Variants in IFT80 observed in about 807,000 individuals in gnomAD.
The protein encoded by IFT80 is intraflagellar transport 80, also known as intraflagellar transport protein 80 homolog.
In IFT80, 79 loss-of-function variants were observed where a neutral mutation model predicts 107.9. The observed-to-expected ratio is 0.73, with a 90% CI of 0.61 to 0.88. IFT80 has a LOEUF of 0.88. Ranked by LOEUF, IFT80 falls within the 40% of genes least tolerant of loss-of-function variation. IFT80 has a pLI of 0.00. For missense variants in IFT80, 797 were observed against 914.2 expected (o/e 0.87, Z 1.65); for synonymous variants, 299 against 300.9 (o/e 0.99, Z 0.07).
chr3:160,264,125 T>G (rs1335707471), intron 19 of IFT80, among the ~76,000 whole-genome samples: 1 of 149,186 alleles, frequency 6.7e-6, no homozygotes, highest in African/African-American at 2.5e-5. Context: ...TTATATTTTT[T>G]GGGAGATGGA....
Position 160,319,891 on chromosome 3 carries a change from C to T in IFT80, c.826G>A (p.Ala276Thr). The T allele has an allele frequency of 1.2e-6, 2 of 1,612,380 alleles. No individual in the cohort carries two copies. The highest frequency in any genetic ancestry group is 1.3e-5 in the African/African-American group (1 of 74,912). The part of the protein sequence containing the change: ...KPNTGSIFNI[A>T]WSIDGTQIAG... The stretch of plus-strand genomic sequence containing the variant: ...ATCTGAGTGCCATCGATAGACCATG[C>T]AATATTAAATATGCTGCCAGTGTTG... Residue 276 changes from alanine to threonine, a missense_variant, in exon 9 of 20, where the codon GCA (alanine) becomes ACA (threonine). Transcript: ENST00000326448.
chr3:160,268,347 T>C (rs1003398267), intron 19 of IFT80, 66 bp downstream of exon 19: 1 of 1,391,216 alleles, frequency 7.2e-7, no homozygotes, highest in Non-Finnish European at 1.0e-6. Context: ...TTTTGTCTCA[T>C]TAGGATGAAT....
intron 1 of IFT80, among the ~76,000 whole-genome samples, chr3:160,395,237 A>T (rs1713685389): frequency 6.6e-6 from 1 of 152,226 alleles, no homozygotes; most frequent in Admixed American, 6.5e-5. Context: ...TATCTTCATG[A>T]AGATACTATA....
chr3:160,381,436 A>G, intron 3 of IFT80, 67 bp downstream of exon 3: 1 of 1,201,202 alleles, frequency 8.3e-7, no homozygotes, highest in Non-Finnish European at 1.2e-6. Context: ...AACAACTCAA[A>G]GCATAAATCA....
rs1487108601 is a variant in IFT80 at position 160,366,082 on chromosome 3, T to C, written c.510A>G (p.Leu170=). ...CATTTGGTTGAAGAGGTTTAATGAT[T>C]AGCTGCTTGCCTGCTGTATAAAGAA... ...EKVLYTAGKQ[L]IIKPLQPNAK... The change falls in exon 6 of 20, where the codon CTA becomes CTG. Residue 170 remains leucine, a synonymous_variant. Coordinates refer to ENST00000326448, the MANE Select transcript of IFT80 (RefSeq NM_020800.3). The C allele has an allele frequency of 6.2e-7, 1 of 1,612,784 alleles. No homozygotes were observed. The highest frequency in any genetic ancestry group is 8.5e-7 in the Non-Finnish European group (1 of 1,179,132).
intron 18 of IFT80, among the ~76,000 whole-genome samples, chr3:160,273,577 A>G (rs577860744): frequency 1.3e-5 from 2 of 152,302 alleles, no homozygotes; most frequent in East Asian, 3.9e-4. Context: ...GTACAGCTGA[A>G]AGAATGATAA....
intron 8 of IFT80, among the ~76,000 whole-genome samples, chr3:160,337,018 T>C (rs563531791): frequency 6.6e-6 from 1 of 152,336 alleles, no homozygotes; most frequent in East Asian, 1.9e-4. Flanking sequence ...AACCCTTTTA[T>C]TACCAATTAA....
chr3:160,320,346 T>A (rs1310314775), intron 8 of IFT80, among the ~76,000 whole-genome samples: 1 of 151,894 alleles, frequency 6.6e-6, no homozygotes, highest in Non-Finnish European at 1.5e-5. Context: ...ACAAAACAAT[T>A]GAAACTCAAC....
chr3:160,339,535 A>G (rs970483975), intron 8 of IFT80, among the ~76,000 whole-genome samples: 1 of 152,142 alleles, frequency 6.6e-6, no homozygotes, highest in Non-Finnish European at 1.5e-5. Flanking sequence ...TTTTGTCTCC[A>G]AAATGTGGTA....
At chr3:160,326,055 T>C (rs1718654100) in intron 8 of IFT80, among the ~76,000 whole-genome samples, 1 of 152,134 alleles carries the variant, frequency 6.6e-6, no homozygotes, top group East Asian at 1.9e-4. Context: ...CACCCAGGTA[T>C]TAAGCCCAGT....
chr3:160,328,415 T>A (rs1320883391), intron 8 of IFT80, among the ~76,000 whole-genome samples: 1 of 137,702 alleles, frequency 7.3e-6, no homozygotes, highest in African/African-American at 2.8e-5. Flanking sequence ...TGAGCAGAGA[T>A]CGTGCCAGTG....
intron 12 of IFT80, among the ~76,000 whole-genome samples, chr3:160,297,907 T>C (rs1345080806): frequency 1.3e-5 from 2 of 152,122 alleles, no homozygotes; most frequent in African/African-American, 4.8e-5. Context: ...TAACATGTAA[T>C]AGAAACTGGC....
At chr3:160,296,421 C>T (rs1362136959) in intron 12 of IFT80, among the ~76,000 whole-genome samples, 1 of 152,042 alleles carries the variant, frequency 6.6e-6, no homozygotes, top group Non-Finnish European at 1.5e-5. Context: ...TCATACTTCT[C>T]CACCCCTACC....
intron 9 of IFT80, among the ~76,000 whole-genome samples, chr3:160,311,133 A>C (rs1473874929): frequency 2.6e-5 from 4 of 152,166 alleles, no homozygotes; most frequent in African/African-American, 9.7e-5. Context: ...TTGAAAAAAT[A>C]AATACATAAA....
chr3:160,383,021 G>A (rs1034097953), intron 2 of IFT80, among the ~76,000 whole-genome samples: 1 of 152,114 alleles, frequency 6.6e-6, no homozygotes, highest in African/African-American at 2.4e-5. Context: ...ACAATGTTAG[G>A]TAAAACCTAA....
chr3:160,342,403 T>G (rs1719974572), intron 8 of IFT80, among the ~76,000 whole-genome samples: 2 of 152,206 alleles, frequency 1.3e-5, no homozygotes, highest in African/African-American at 4.8e-5. Context: ...AGTGATACAT[T>G]CCTTTGAGGG....
chr3:160,356,661 A>G (rs1230802374), intron 7 of IFT80, among the ~76,000 whole-genome samples: 1 of 152,122 alleles, frequency 6.6e-6, no homozygotes, highest in Non-Finnish European at 1.5e-5. Context: ...AGCAAGGACT[A>G]CAGGTACATG....
chr3:160,360,165 C>T (rs1721389674), intron 6 of IFT80, among the ~76,000 whole-genome samples: 1 of 152,152 alleles, frequency 6.6e-6, no homozygotes, highest in Admixed American at 6.5e-5. Context: ...CCTTAAATGA[C>T]CTGATGGAAC....
In IFT80 at chr3:160,319,878, T is replaced by C. The variant is rs1206310536; in HGVS notation, c.839A>G (p.Asp280Gly). The change falls in exon 9 of 20, where the codon GAT becomes GGT. Residue 280 changes from aspartate (D) to glycine (G), a missense_variant. Transcript: ENST00000326448. The stretch of plus-strand genomic sequence containing the variant: ...ACAGGCTCCAGCAATCTGAGTGCCA[T>C]CGATAGACCATGCAATATTAAATAT... ...GSIFNIAWSI[D>G]GTQIAGACGN... 3 of 1,612,754 alleles carry C rather than the reference T, an allele frequency of 1.9e-6. No individual in the cohort carries two copies. Among genetic ancestry groups the C allele is most frequent in the South Asian group, 2.2e-5 (2 of 91,042 alleles).
Sources: allele counts gnomAD v4.1 joint callset (sites outside exome capture counted in the v4.1 genomes callset), GRCh38; gene constraint gnomAD v4.1.1; transcripts MANE v1.5; gene names NCBI Gene and HGNC (gene_info 2026-07-23, HGNC 2026-07-21).